Variants in HIBADH observed in about 807,000 individuals in gnomAD.
HIBADH encodes 3-hydroxyisobutyrate dehydrogenase.
A neutral mutation model predicts 36.1 loss-of-function variants in HIBADH; 25 were observed. The observed-to-expected ratio is 0.69, with a 90% CI of 0.50 to 0.97. HIBADH has a LOEUF of 0.97. HIBADH is among the 50% of genes least tolerant of loss of function. HIBADH has a pLI of 0.00. For synonymous variants in HIBADH, 160 were observed against 149.5 expected (o/e 1.07, Z -0.51); for missense variants, 421 against 418.0 (o/e 1.01, Z -0.06).
At chr7:27,654,859 C>G (rs1163163555) in intron 1 of HIBADH, among the ~76,000 whole-genome samples, 1 of 151,906 alleles carries the variant, frequency 6.6e-6, no homozygotes, top group Admixed American at 6.6e-5. Flanking sequence ...CTAATTTTTG[C>G]ATTTTTTTGT....
chr7:27,537,725 G>T (rs536420561), intron 6 of HIBADH, among the ~76,000 whole-genome samples: 1 of 152,124 alleles, frequency 6.6e-6, no homozygotes, highest in Admixed American at 6.6e-5. Context: ...CAGAATTCCT[G>T]AATCACTTTA....
chr7:27,639,213 A>T (rs1291606461), intron 2 of HIBADH, among the ~76,000 whole-genome samples: 1 of 152,236 alleles, frequency 6.6e-6, no homozygotes, highest in East Asian at 1.9e-4. Context: ...GGTAGACTGA[A>T]TAAAGAAAAT....
intron 6 of HIBADH, among the ~76,000 whole-genome samples, chr7:27,533,962 T>G (rs1237496035): frequency 6.6e-6 from 1 of 152,200 alleles, no homozygotes; most frequent in Non-Finnish European, 1.5e-5. Context: ...AACTTGCCAC[T>G]GGATGTGGTT....
At chr7:27,628,992 C>A (rs961411234) in intron 4 of HIBADH, among the ~76,000 whole-genome samples, 1 of 151,970 alleles carries the variant, frequency 6.6e-6, no homozygotes, top group Non-Finnish European at 1.5e-5. Flanking sequence ...GCCAATGCTT[C>A]CCTTGTGAAA....
chr7:27,613,668 T>TG (rs1554299063), intron 4 of HIBADH, among the ~76,000 whole-genome samples: 7 of 145,862 alleles, frequency 4.8e-5, no homozygotes, highest in Admixed American at 1.4e-4. Context: ...TTTTTTTGTT[T>TG]TTTTTTTTTG....
chr7:27,575,464 A>C (rs1784694588), intron 4 of HIBADH, among the ~76,000 whole-genome samples: 1 of 151,834 alleles, frequency 6.6e-6, no homozygotes, highest in South Asian at 2.1e-4. Flanking sequence ...GAGAGCCTTG[A>C]ATGGCAGGCT....
chr7:27,546,740 A>C (rs1049033200), intron 4 of HIBADH, among the ~76,000 whole-genome samples: 1 of 152,198 alleles, frequency 6.6e-6, no homozygotes, highest in African/African-American at 2.4e-5. Context: ...TTAACTGGGC[A>C]CCTGCTAAGA....
chr7:27,543,890 G>C (rs530323307), intron 4 of HIBADH, among the ~76,000 whole-genome samples: 5 of 152,156 alleles, frequency 3.3e-5, no homozygotes, highest in African/African-American at 1.2e-4. Context: ...ATTTAGCACA[G>C]AAAATATAAT....
At chr7:27,600,957 G>A (rs1188160044) in intron 4 of HIBADH, among the ~76,000 whole-genome samples, 1 of 152,112 alleles carries the variant, frequency 6.6e-6, no homozygotes, top group Non-Finnish European at 1.5e-5. Flanking sequence ...AATCTATTGG[G>A]TAAGTGGGTT....
intron 4 of HIBADH, among the ~76,000 whole-genome samples, chr7:27,603,233 C>T (rs1023509307): frequency 2.6e-5 from 4 of 152,082 alleles, no homozygotes; most frequent in Non-Finnish European, 5.9e-5. Context: ...TATCTGACAA[C>T]CAGAATCCAT....
chr7:27,542,438 G>GTTT (rs150575250), intron 5 of HIBADH, among the ~76,000 whole-genome samples: 22 of 68,156 alleles, frequency 3.2e-4, no homozygotes, highest in South Asian at 6.5e-4. Flanking sequence ...TTTTTTTCCC[G>GTTT]TTTTTTTTTT....
rs1784222998 is a variant in HIBADH, at chr7:27,545,360, C to T, written c.485-2260G>A. ...AGGCTGAGATGGAGGATTGCTTGAA[C>T]CCAGAAGGTGGAGGCTGCAGTGAGC... On this transcript the variant is annotated intron_variant, in intron 4 of 7. Transcript: ENST00000265395. Among the ~76,000 whole-genome samples the T allele has an allele frequency of 2.6e-5, 4 of 152,280 alleles. No individual in the cohort carries two copies. The South Asian group carries it at 8.3e-4, about 32-fold the overall frequency.
At chr7:27,619,036 C>T (rs1415747241) in intron 4 of HIBADH, among the ~76,000 whole-genome samples, 2 of 152,138 alleles carry the variant, frequency 1.3e-5, no homozygotes, top group Admixed American at 1.3e-4. Context: ...AATATCCAAA[C>T]TGTATCAATT....
chr7:27,596,027 G>A (rs1456271445), intron 4 of HIBADH, among the ~76,000 whole-genome samples: 3 of 152,154 alleles, frequency 2.0e-5, no homozygotes, highest in East Asian at 1.9e-4. Flanking sequence ...ATGAATAAAT[G>A]CTCTTTTTCC....
intron 1 of HIBADH, among the ~76,000 whole-genome samples, chr7:27,657,431 C>T (rs1786326777): frequency 6.6e-6 from 1 of 152,040 alleles, no homozygotes; most frequent in Non-Finnish European, 1.5e-5. Context: ...TTTGTTAGAA[C>T]AAGAATCACA....
intron 4 of HIBADH, among the ~76,000 whole-genome samples, chr7:27,558,007 A>AT (rs1438426891): frequency 4.6e-5 from 7 of 151,888 alleles, no homozygotes; most frequent in African/African-American, 7.3e-5. Context: ...TTTTGGTAAC[A>AT]TTTTTTTCTA....
At chr7:27,572,927 A>C (rs1562626423) in intron 4 of HIBADH, among the ~76,000 whole-genome samples, 3 of 152,366 alleles carry the variant, frequency 2.0e-5, no homozygotes, top group East Asian at 3.9e-4. Flanking sequence ...GAAGAGAAAT[A>C]TCACATTCAT....
chr7:27,554,330 T>G (rs1487385253), intron 4 of HIBADH, among the ~76,000 whole-genome samples: 6 of 152,176 alleles, frequency 3.9e-5, no homozygotes, highest in Non-Finnish European at 7.4e-5. Context: ...AAAAGCCAAA[T>G]AGCTTGTAAT....
chr7:27,628,695 C>T (rs984539279), intron 4 of HIBADH, among the ~76,000 whole-genome samples: 1 of 152,052 alleles, frequency 6.6e-6, no homozygotes, highest in African/African-American at 2.4e-5. Flanking sequence ...TCTCAGCATA[C>T]ATGGGCTAAA....
Sources: allele counts gnomAD v4.1 joint callset (sites outside exome capture counted in the v4.1 genomes callset), GRCh38; gene constraint gnomAD v4.1.1; transcripts MANE v1.5; gene names NCBI Gene and HGNC (gene_info 2026-07-23, HGNC 2026-07-21).